The following SMLR1 variants were observed in gnomAD, a reference collection of about 807,000 sequenced individuals.
The protein encoded by SMLR1 is small leucine-rich protein 1.
SMLR1 carries 3 observed loss-of-function variants against 6.1 expected under a neutral mutation model. The observed-to-expected ratio is 0.49, with a 90% CI of 0.22 to 1.28. SMLR1 has a LOEUF of 1.28. Ranked by LOEUF, SMLR1 falls within the 50% of genes most tolerant of loss-of-function variation. The probability of loss-of-function intolerance (pLI) is 0.19; values close to 1 mark genes in which losing one functional copy is unlikely to be tolerated. For missense variants in SMLR1, 126 were observed against 124.8 expected (o/e 1.01, Z -0.05); for synonymous variants, 55 against 53.6 (o/e 1.03, Z -0.11).
chr6:130,827,657 T>A lies in SMLR1; in HGVS notation c.238+6T>A, dbSNP rs1774316834. The A allele has an allele frequency of 6.5e-7, 1 of 1,533,790 alleles. No individual in the cohort carries two copies. Among genetic ancestry groups the A allele is most frequent in the Non-Finnish European group, 8.7e-7 (1 of 1,144,908 alleles). On this transcript the variant is annotated splice_donor_region_variant and intron_variant, in intron 1 of 1. Transcript: ENST00000541421. Reference sequence around the variant, plus strand: ...CAGGATCAAACTGATTGAGGGTAAGTGTGAGGCCACACAAGGAAGAACTTG... The same window carrying A: ...CAGGATCAAACTGATTGAGGGTAAGAGTGAGGCCACACAAGGAAGAACTTG...
intron 1 of SMLR1, among the ~76,000 whole-genome samples, chr6:130,831,198 G>A (rs6921339): frequency 0.029 from 4,341 of 152,192 alleles, 212 homozygotes; most frequent in African/African-American, 0.1. Context: ...AGAAATGTGG[G>A]GGCCCTGGAT....
At chr6:130,832,358 C>A (rs936711761) in intron 1 of SMLR1, among the ~76,000 whole-genome samples, 1 of 152,156 alleles carries the variant, frequency 6.6e-6, no homozygotes, top group African/African-American at 2.4e-5. Flanking sequence ...TTAACCAGGT[C>A]TTGGCCTTCA....
At position 130,835,001 on chromosome 6, in the gene SMLR1, T is replaced by C. The variant is rs1235738722; in HGVS notation, c.*46T>C. Reference sequence around the variant, plus strand: ...CTAAAGCACAATGAGTTTCTACTGGTCAGCAAGCAATGGCCAACAGTTCAG... The same window carrying C: ...CTAAAGCACAATGAGTTTCTACTGGCCAGCAAGCAATGGCCAACAGTTCAG... On this transcript the variant is annotated 3_prime_UTR_variant, in exon 2 of 2. Coordinates refer to ENST00000541421, the MANE Select transcript of SMLR1 (RefSeq NM_001195597.2). The C allele has an allele frequency of 6.9e-7, 1 of 1,457,194 alleles. No homozygotes were observed. Among genetic ancestry groups the C allele is most frequent in the Non-Finnish European group, 9.3e-7 (1 of 1,075,532 alleles). 90.3% of individuals were successfully genotyped at this position (1,457,194 alleles called of 1,614,324 possible).
intron 1 of SMLR1, among the ~76,000 whole-genome samples, chr6:130,829,364 T>C (rs1413753): frequency 0.69 from 104,926 of 152,112 alleles, 36,437 homozygotes; most frequent in South Asian, 0.82. Context: ...TGTAAATGGG[T>C]CTATGGTATT....
At chr6:130,832,329 C>T (rs1021451064) in intron 1 of SMLR1, among the ~76,000 whole-genome samples, 1 of 152,038 alleles carries the variant, frequency 6.6e-6, no homozygotes, top group Non-Finnish European at 1.5e-5. Context: ...GAGTTGGACC[C>T]AAAAAGAAAG....
chr6:130,829,209 A>G (rs1040376678), intron 1 of SMLR1, among the ~76,000 whole-genome samples: 6 of 152,168 alleles, frequency 3.9e-5, no homozygotes, highest in East Asian at 3.8e-4. Context: ...GGATATCAAG[A>G]TCCCTTATTG....
rs1297267020 is a variant in SMLR1, at chr6:130,827,428, C to A, written c.15C>A (p.Gly5=). Residue 5 remains glycine (G), a synonymous_variant, in exon 1 of 2, where the codon GGC becomes GGA. Coordinates refer to ENST00000541421, the MANE Select transcript of SMLR1 (RefSeq NM_001195597.2). ...TCCACTGAGACATGCTGAGCAAAGGCCGGAGCCCCAGAAGAAAACAAGTAC... is the reference window on the plus strand; with the variant it reads ...TCCACTGAGACATGCTGAGCAAAGGACGGAGCCCCAGAAGAAAACAAGTAC... MLSK[G]RSPRRKQVQT... 4 of 1,535,900 alleles carry A rather than the reference C, an allele frequency of 2.6e-6. No homozygotes were observed. Among genetic ancestry groups the A allele is most frequent in the Non-Finnish European group, 3.5e-6 (4 of 1,146,824 alleles).
At chr6:130,831,317 T>C (rs1774438583) in intron 1 of SMLR1, among the ~76,000 whole-genome samples, 1 of 152,116 alleles carries the variant, frequency 6.6e-6, no homozygotes, top group Non-Finnish European at 1.5e-5. Flanking sequence ...ATTTCCCTCC[T>C]CTCCCACATG....
rs1343137211 is a variant in SMLR1, at chr6:130,836,621, T to G, written c.*1666T>G. On this transcript the variant is annotated 3_prime_UTR_variant, in exon 2 of 2. Coordinates refer to ENST00000541421, the MANE Select transcript of SMLR1 (RefSeq NM_001195597.2). ...AACAAGGCCTGTTTCTTTTCTGCCATCCAATGAGAGCAGAGAATCTCCAAT... is the reference window on the plus strand; with the variant it reads ...AACAAGGCCTGTTTCTTTTCTGCCAGCCAATGAGAGCAGAGAATCTCCAAT... 6.6e-6 allele frequency: 1 copy of G among 152,208 alleles called. No homozygotes were observed. The highest frequency in any genetic ancestry group is 1.5e-5 in the Non-Finnish European group (1 of 68,024). 9.4% of individuals were successfully genotyped at this position (152,208 alleles called of 1,614,324 possible). A position where few individuals can be genotyped will look rare whatever the true frequency, so the allele number is the denominator to read the frequency against.
At position 130,836,688 on chromosome 6, in the gene SMLR1, G is replaced by A. The variant is rs1302003904; in HGVS notation, c.*1733G>A. 1 of 152,118 alleles carries A rather than the reference G, an allele frequency of 6.6e-6. No individual in the cohort carries two copies. The highest frequency in any genetic ancestry group is 1.5e-5 in the Non-Finnish European group (1 of 68,022). 9.4% of individuals were successfully genotyped at this position (152,118 alleles called of 1,614,324 possible). On this transcript the variant is annotated 3_prime_UTR_variant, in exon 2 of 2. Coordinates refer to ENST00000541421, the MANE Select transcript of SMLR1 (RefSeq NM_001195597.2). ...ATGAATGTTTTTTATATGTAGAGAG[G>A]GGCAGAAACATGTTCATTTTCCCAT... is the stretch of plus-strand genomic sequence containing the variant.
chr6:130,828,285 G>A (rs1774339632), intron 1 of SMLR1, among the ~76,000 whole-genome samples: 4 of 152,258 alleles, frequency 2.6e-5, no homozygotes, highest in Admixed American at 2.6e-4. Flanking sequence ...TCGGGTCTTG[G>A]ATTGACACTG....
chr6:130,832,049 G>A (rs900764037), intron 1 of SMLR1, among the ~76,000 whole-genome samples: 1 of 152,082 alleles, frequency 6.6e-6, no homozygotes, highest in African/African-American at 2.4e-5. Context: ...TCTTGGGGTG[G>A]AAGTATGTGT....
In SMLR1 at chr6:130,827,614, C is replaced by T. The variant is rs1481506723; in HGVS notation, c.201C>T (p.Leu67=). The T allele has an allele frequency of 6.5e-7, 1 of 1,535,706 alleles. No homozygotes were observed. Among genetic ancestry groups the T allele is most frequent in the Non-Finnish European group, 8.7e-7 (1 of 1,146,616 alleles). ...TCCTCCCCGTGACTTTGCTGCTGCT[C>T]CTCCTCATCGCCTACTTCAGGATCA... ...GVFLPVTLLL[L]LLIAYFRIKL... The change falls in exon 1 of 2, where the codon CTC becomes CTT. Residue 67 remains leucine (L), a synonymous_variant. Coordinates refer to ENST00000541421, the MANE Select transcript of SMLR1 (RefSeq NM_001195597.2).
chr6:130,835,011 A>G lies in SMLR1; in HGVS notation c.*56A>G. The G allele has an allele frequency of 1.5e-6, 2 of 1,335,380 alleles. No individual in the cohort carries two copies. The highest frequency in any genetic ancestry group is 2.1e-6 in the Non-Finnish European group (2 of 964,454). 82.7% of individuals were successfully genotyped at this position (1,335,380 alleles called of 1,614,324 possible). On this transcript the variant is annotated 3_prime_UTR_variant, in exon 2 of 2. Coordinates refer to ENST00000541421, the MANE Select transcript of SMLR1 (RefSeq NM_001195597.2). Reference sequence around the variant, plus strand: ...ATGAGTTTCTACTGGTCAGCAAGCAATGGCCAACAGTTCAGCTAATAAAGT... The same window carrying G: ...ATGAGTTTCTACTGGTCAGCAAGCAGTGGCCAACAGTTCAGCTAATAAAGT...
At position 130,836,120 on chromosome 6, in the gene SMLR1, G is replaced by A. The variant is rs1774650276; in HGVS notation, c.*1165G>A. On this transcript the variant is annotated 3_prime_UTR_variant, in exon 2 of 2. Transcript: ENST00000541421. Reference sequence around the variant, plus strand: ...CCCTCAGCCCCACCCTAAAATTCTTGATACCCATTCCGTGAGTAGTTTCCA... The same window carrying A: ...CCCTCAGCCCCACCCTAAAATTCTTAATACCCATTCCGTGAGTAGTTTCCA... 2 of 152,076 alleles carry A rather than the reference G, an allele frequency of 1.3e-5. No homozygotes were observed. The highest frequency in any genetic ancestry group is 2.4e-5 in the African/African-American group (1 of 41,388). The allele number at this position is 152,076 out of a possible 1,614,324, so 9.4% of individuals were successfully genotyped here. A position where few individuals can be genotyped will look rare whatever the true frequency, so the allele number is the denominator to read the frequency against.
intron 1 of SMLR1, among the ~76,000 whole-genome samples, chr6:130,834,220 G>A (rs1774565711): frequency 1.3e-5 from 2 of 152,134 alleles, no homozygotes; most frequent in South Asian, 4.1e-4. Flanking sequence ...GCAGATAAAA[G>A]CACACAGGTG....
intron 1 of SMLR1, among the ~76,000 whole-genome samples, chr6:130,831,338 A>G (rs1317219242): frequency 1.3e-5 from 2 of 152,086 alleles, no homozygotes; most frequent in Non-Finnish European, 2.9e-5. Context: ...GAATCAGTGC[A>G]TCTATTTTTT....
intron 1 of SMLR1, among the ~76,000 whole-genome samples, chr6:130,832,478 C>T (rs561512009): frequency 1.8e-4 from 27 of 152,204 alleles, no homozygotes; most frequent in Admixed American, 4.6e-4. Flanking sequence ...AAGCTTCGGC[C>T]TCCTGGTCTG....
chr6:130,828,368 G>A (rs1022282334), intron 1 of SMLR1, among the ~76,000 whole-genome samples: 4 of 152,108 alleles, frequency 2.6e-5, no homozygotes, highest in Non-Finnish European at 4.4e-5. Context: ...ACTGTGCCAA[G>A]TACACATGAG....
Sources: allele counts gnomAD v4.1 joint callset (sites outside exome capture counted in the v4.1 genomes callset), GRCh38; gene constraint gnomAD v4.1.1; transcripts MANE v1.5; gene names NCBI Gene and HGNC (gene_info 2026-07-23, HGNC 2026-07-21).